Variants in PCDH15 observed in about 807,000 individuals in gnomAD.
PCDH15 encodes the protein protocadherin-15.
PCDH15 carries 129 observed loss-of-function variants against 178.5 expected under a neutral mutation model. That is an observed-to-expected ratio of 0.72 (90% CI 0.63 to 0.84). PCDH15 has a LOEUF of 0.84. Among genes scored for constraint, PCDH15 ranks in the 40% least tolerant of loss-of-function variants. PCDH15 has a pLI of 0.00. For missense variants in PCDH15, 2,230 were observed against 2,099.9 expected, an observed-to-expected ratio of 1.06 and a Z score of -1.21; for synonymous variants, 800 against 732.0, an observed-to-expected ratio of 1.09 and a Z score of -1.50.
intron 14 of PCDH15, among the ~76,000 whole-genome samples, chr10:54,143,813 G>A (rs544812447): frequency 1.4e-4 from 21 of 151,922 alleles, no homozygotes; most frequent in South Asian, 8.3e-4. Flanking sequence ...TATTTTCTCC[G>A]GAATTATATT....
intron 3 of PCDH15, among the ~76,000 whole-genome samples, chr10:54,418,532 C>T (rs1299092401): frequency 7.9e-5 from 12 of 151,744 alleles, no homozygotes; most frequent in Admixed American, 7.9e-4. Flanking sequence ...AAATTACATT[C>T]GGTATGACAG....
At chr10:55,367,375 GT>G (rs2131985347) in intron 2 of PCDH15, among the ~76,000 whole-genome samples, 1 of 152,136 alleles carries the variant, frequency 6.6e-6, no homozygotes, top group South Asian at 2.1e-4. Context: ...GAGCCCAGGA[GT>G]TTGAGACCAG....
chr10:54,185,299 T>C (rs767587342), intron 11 of PCDH15, 31 bp from the exon 12 acceptor site: 5 of 1,612,410 alleles, frequency 3.1e-6, no homozygotes, highest in Admixed American at 1.7e-5. Context: ...GTTTCAAACG[T>C]TGAATAAATA....
chr10:55,019,718 T>C (rs965156017), intron 2 of PCDH15, among the ~76,000 whole-genome samples: 1 of 152,184 alleles, frequency 6.6e-6, no homozygotes, highest in South Asian at 2.1e-4. Context: ...AGTCTGAAAG[T>C]AGAGCAACCT....
At chr10:54,103,918 TA>T (rs150490543) in intron 15 of PCDH15, among the ~76,000 whole-genome samples, 2 of 152,020 alleles carry the variant, frequency 1.3e-5, no homozygotes, top group Non-Finnish European at 2.9e-5. Flanking sequence ...TTATATAAAT[TA>T]AAAAAACATA....
rs113247071 is a variant in PCDH15 at position 54,835,318 on chromosome 10, T to G, written c.-29+62132A>C. On this transcript the variant is annotated intron_variant, in intron 3 of 5. Transcript: ENST00000458638. ...ATAAACCCACAAATTTGTCATTTAT[T>G]ATATAAAATGTGTCTATCGACTTCC... is the stretch of plus-strand genomic sequence containing the variant. Among the ~76,000 whole-genome samples, 561 of 152,278 alleles carry G rather than the reference T, an allele frequency of 3.7e-3. 1 individual carries two copies. The highest frequency in any genetic ancestry group is 0.013 in the African/African-American group (539 of 41,578).
chr10:54,943,792 A>G (rs531798401), intron 2 of PCDH15, among the ~76,000 whole-genome samples: 1 of 151,978 alleles, frequency 6.6e-6, no homozygotes, highest in East Asian at 1.9e-4. Flanking sequence ...TCTTAAAAAA[A>G]GCACGATCTT....
At chr10:53,816,558 TG>T (rs1344380459) in intron 34 of PCDH15, among the ~76,000 whole-genome samples, 2 of 152,232 alleles carry the variant, frequency 1.3e-5, no homozygotes, top group African/African-American at 4.8e-5. Context: ...TACAGATTTT[TG>T]TTTTGTTAAG....
At chr10:54,762,216 A>G (rs1423429308) in intron 1 of PCDH15, among the ~76,000 whole-genome samples, 1 of 152,138 alleles carries the variant, frequency 6.6e-6, no homozygotes, top group Non-Finnish European at 1.5e-5. Context: ...TTGTCTTATA[A>G]GAAATGCTAA....
At chr10:55,304,257 GTTTTTGGGAGGTTTTCC>G (rs1843361945) in intron 1 of PCDH15, among the ~76,000 whole-genome samples, 1 of 151,986 alleles carries the variant, frequency 6.6e-6, no homozygotes, top group South Asian at 2.1e-4. Flanking sequence ...GAAATAATAG[GTTTTTGGGAGGTTTTCC>G]TTTTTGCTTT....
Position 53,956,583 on chromosome 10 carries a change from C to A in PCDH15, c.3122+3149G>T, listed in dbSNP as rs191976668. ...ATTAATCCTTTTAAGTACTCAAGTA[C>A]TACTAAATGCATTATGATCAAGATA... is the stretch of plus-strand genomic sequence containing the variant. On this transcript the variant is annotated intron_variant, in intron 23 of 37. Transcript: ENST00000644397. 2.8e-4 allele frequency among the ~76,000 whole-genome samples: 42 copies of A among 152,142 alleles called. No individual in the cohort carries two copies. The East Asian group carries it at 7.9e-3, about 29-fold the overall frequency.
intron 1 of PCDH15, among the ~76,000 whole-genome samples, chr10:55,299,291 C>A (rs1338304785): frequency 6.6e-6 from 1 of 152,098 alleles, no homozygotes; most frequent in Non-Finnish European, 1.5e-5. Flanking sequence ...AATGACCATT[C>A]AAAGCACAGC....
chr10:54,534,368 A>G (rs1332292228), intron 2 of PCDH15, among the ~76,000 whole-genome samples: 1 of 152,092 alleles, frequency 6.6e-6, no homozygotes, highest in Non-Finnish European at 1.5e-5. Context: ...TTGAATTCCT[A>G]TCCCAGATAC....
chr10:55,579,938 C>A (rs1027801237), intron 2 of PCDH15, among the ~76,000 whole-genome samples: 24 of 152,190 alleles, frequency 1.6e-4, no homozygotes, highest in African/African-American at 5.5e-4. Flanking sequence ...CTCACTGCAA[C>A]CTCTGCCTCC....
chr10:54,310,383 C>T lies in PCDH15; in HGVS notation c.876+6888G>A, dbSNP rs183779933. On this transcript the variant is annotated intron_variant, in intron 8 of 37. Coordinates refer to ENST00000644397, the MANE Select transcript of PCDH15 (RefSeq NM_001384140.1). ...TAGAGTATGTCTTTAAATAGATGTT[C>T]TGACAGTGTAAATAGACAGGTGTCA... Among the ~76,000 whole-genome samples the T allele has an allele frequency of 2.1e-3, 327 of 152,128 alleles. 1 individual carries two copies. Among genetic ancestry groups the T allele is most frequent in the African/African-American group, 5.5e-3 (230 of 41,526 alleles).
chr10:53,823,388 A>G, intron 32 of PCDH15: 1 of 1,593,942 alleles, frequency 6.3e-7, no homozygotes, highest in Non-Finnish European at 8.6e-7. Flanking sequence ...ATGAAATGTA[A>G]GGAAACAAGT....
intron 1 of PCDH15, among the ~76,000 whole-genome samples, chr10:54,779,529 C>CACATATATGTGTGTATATATATATACAT (rs1566224108): frequency 2.3e-4 from 30 of 132,946 alleles, no homozygotes; most frequent in African/African-American, 8.4e-4. Context: ...TATATATACA[C>CACATATATGTGTGTATATATATATACAT]ACACATATAT....
At chr10:53,927,189 A>G (rs1052763998) in intron 25 of PCDH15, among the ~76,000 whole-genome samples, 1 of 151,980 alleles carries the variant, frequency 6.6e-6, no homozygotes, top group Non-Finnish European at 1.5e-5. Context: ...AACATTAGTC[A>G]AAGAGTAAGA....
At chr10:54,369,362 T>G in intron 4 of PCDH15, 87 bp from the exon 5 acceptor site, 1 of 1,170,970 alleles carries the variant, frequency 8.5e-7, no homozygotes, top group Non-Finnish European at 1.2e-6. Context: ...TTCAGTACAT[T>G]TTTCTATTCT....
Sources: gnomAD v4.1 joint callset for allele counts (sites outside exome capture counted in the v4.1 genomes callset) on GRCh38, gnomAD v4.1.1 for gene constraint, MANE v1.5 for transcripts, NCBI Gene and HGNC (gene_info 2026-07-23, HGNC 2026-07-21) for gene names.